The following C19orf44 variants were observed in gnomAD, a reference collection of about 807,000 sequenced individuals.
C19orf44 encodes the protein chromosome 19 open reading frame 44.
A neutral mutation model predicts 50.7 loss-of-function variants in C19orf44; 43 were observed. The observed-to-expected ratio is 0.85, with a 90% CI of 0.66 to 1.09. C19orf44 has a LOEUF of 1.09. C19orf44 is among the 50% of genes least tolerant of loss of function. C19orf44 has a pLI of 0.00. For synonymous variants in C19orf44, 298 were observed against 334.7 expected (o/e 0.89, Z 1.20); for missense variants, 722 against 836.2 (o/e 0.86, Z 1.68).
intron 6 of C19orf44, among the ~76,000 whole-genome samples, chr19:16,513,637 G>T (rs986521856): frequency 4.6e-5 from 7 of 152,158 alleles, no homozygotes; most frequent in African/African-American, 1.7e-4. Context: ...GCCCACCTCG[G>T]TCTCCCAAAG....
At chr19:16,509,123 A>C (rs945626579) in intron 4 of C19orf44, among the ~76,000 whole-genome samples, 5 of 149,940 alleles carry the variant, frequency 3.3e-5, no homozygotes, top group East Asian at 2.0e-4. Flanking sequence ...CCCGGCTGAA[A>C]ATTTTTTAAT....
At chr19:16,512,593 G>A (rs1011607549) in intron 5 of C19orf44, among the ~76,000 whole-genome samples, 1 of 152,058 alleles carries the variant, frequency 6.6e-6, no homozygotes, top group Non-Finnish European at 1.5e-5. Flanking sequence ...AGTAAAGAAG[G>A]GCCGGGTGCG....
Position 16,514,521 on chromosome 19 carries a change from T to C in C19orf44, c.1760T>C (p.Val587Ala). 6.2e-7 allele frequency: 1 copy of C among 1,611,292 alleles called. No individual in the cohort carries two copies. The highest frequency in any genetic ancestry group is 8.5e-7 in the Non-Finnish European group (1 of 1,179,432). The stretch of plus-strand genomic sequence containing the variant: ...GCCCTGACCGCTTACAGCCCGGCCG[T>C]GCTGGCACTCCATGATGTGCTGAAG... ...IEALTAYSPA[V>A]LALHDVLKQQ... The change falls in exon 7 of 9, where the codon GTG becomes GCG. Residue 587 changes from valine to alanine, a missense_variant. Val to Ala is a moderately conservative substitution (Grantham distance 64). Coordinates refer to ENST00000221671, the MANE Select transcript of C19orf44 (RefSeq NM_032207.4).
intron 2 of C19orf44, among the ~76,000 whole-genome samples, chr19:16,501,856 G>T (rs904067260): frequency 1.1e-4 from 16 of 151,368 alleles, no homozygotes; most frequent in Non-Finnish European, 1.5e-4. Context: ...CTCCCAAAGT[G>T]CTGGGATTAC....
chr19:16,498,243 A>G (rs2093415431), intron 1 of C19orf44, among the ~76,000 whole-genome samples: 2 of 152,204 alleles, frequency 1.3e-5, no homozygotes, highest in South Asian at 4.1e-4. Flanking sequence ...ATTGAGGACT[A>G]CATAATTTTA....
intron 4 of C19orf44, 42 bp downstream of exon 4, chr19:16,506,816 G>A: frequency 6.9e-7 from 1 of 1,442,074 alleles, no homozygotes; most frequent in African/African-American, 1.4e-5. Flanking sequence ...ATTGTTTTTG[G>A]CTTCAACATT....
chr19:16,519,490 G>T lies in C19orf44; in HGVS notation c.*41-604G>T. 3 of 1,254,944 alleles carry T rather than the reference G, an allele frequency of 2.4e-6. No homozygotes were observed. Among genetic ancestry groups the T allele is most frequent in the Non-Finnish European group, 3.4e-6 (3 of 875,276 alleles). The allele number at this position is 1,254,944 out of a possible 1,614,324, so 77.7% of individuals were successfully genotyped here. ...CCCGCAGGCCGGCCCTGTCTAGAGG[G>T]TCTGGGTGGAGTCAGAACCGGCCTG... On this transcript the variant is annotated intron_variant, in intron 8 of 8. Transcript: ENST00000221671. The surrounding 1 kb of genome is among the most constrained non-coding windows in gnomAD (Gnocchi z 6.0).
chr19:16,501,086 C>T lies in C19orf44; in HGVS notation c.294C>T (p.Ala98=). 6.2e-7 allele frequency: 1 copy of T among 1,614,090 alleles called. No homozygotes were observed. Among genetic ancestry groups the T allele is most frequent in the Non-Finnish European group, 8.5e-7 (1 of 1,180,044 alleles). The change falls in exon 2 of 9, where the codon GCC becomes GCT. Residue 98 remains alanine, a synonymous_variant. Coordinates refer to ENST00000221671, the MANE Select transcript of C19orf44 (RefSeq NM_032207.4). ...CCAATGCCGCACTCATGAAGCTGGC[C>T]CAGCTGGAAACCCGGATCATGAATC... ...IRANAALMKL[A]QLETRIMNRK...
Position 16,501,556 on chromosome 19 carries a change from G to A in C19orf44, c.759+5G>A, listed in dbSNP as rs1568492403. The A allele has an allele frequency of 7.5e-7, 1 of 1,339,498 alleles. No homozygotes were observed. The highest frequency in any genetic ancestry group is 9.6e-7 in the Non-Finnish European group (1 of 1,045,160). 83.0% of individuals were successfully genotyped at this position (1,339,498 alleles called of 1,614,324 possible). A position where few individuals can be genotyped will look rare whatever the true frequency, so the allele number is the denominator to read the frequency against. ...GAAGAAAGAAAACTATTTTCGGTGA[G>A]ATTTTTTTTTTTTGGTAAATTTATT... On this transcript the variant is annotated splice_donor_5th_base_variant and intron_variant, in intron 2 of 8. Coordinates refer to ENST00000221671, the MANE Select transcript of C19orf44 (RefSeq NM_032207.4).
chr19:16,515,072 T>C (rs1288803465), intron 7 of C19orf44, among the ~76,000 whole-genome samples: 1 of 152,306 alleles, frequency 6.6e-6, no homozygotes, highest in African/African-American at 2.4e-5. Flanking sequence ...CCTCTAAGAA[T>C]TTTTATCTGA....
intron 1 of C19orf44, among the ~76,000 whole-genome samples, chr19:16,497,758 T>G (rs765951554): frequency 2.3e-4 from 35 of 152,212 alleles, no homozygotes; most frequent in Non-Finnish European, 4.9e-4. Flanking sequence ...GACCATAGTT[T>G]GTAATCCATT....
Position 16,519,408 on chromosome 19 carries a change from C to T in C19orf44, c.*41-686C>T, listed in dbSNP as rs368721005. 3.9e-4 allele frequency: 607 copies of T among 1,543,822 alleles called. 2 individuals are homozygous for T. Among genetic ancestry groups the T allele is most frequent in the Admixed American group, 3.3e-4 (18 of 55,320 alleles). On this transcript the variant is annotated intron_variant, in intron 8 of 8. Coordinates refer to ENST00000221671, the MANE Select transcript of C19orf44 (RefSeq NM_032207.4). This position sits in a 1 kb window ranked among gnomAD's most constrained non-coding sequence, Gnocchi z 6.0. ...CAAGGCGGAGGCAGATGGGGGTGCACGTGGGGGGCTGAATGTCCAGACAGG... is the reference window on the plus strand; with the variant it reads ...CAAGGCGGAGGCAGATGGGGGTGCATGTGGGGGGCTGAATGTCCAGACAGG...
chr19:16,516,887 G>A (rs1005564526), intron 7 of C19orf44, among the ~76,000 whole-genome samples: 1 of 152,194 alleles, frequency 6.6e-6, no homozygotes, highest in Non-Finnish European at 1.5e-5. Context: ...CAGCCCATCC[G>A]ATGCAGGCAG....
chr19:16,513,384 T>G (rs573153182), intron 6 of C19orf44, among the ~76,000 whole-genome samples: 1 of 152,208 alleles, frequency 6.6e-6, no homozygotes, highest in East Asian at 1.9e-4. Flanking sequence ...ACAAGGCCAC[T>G]TTTTTTGTTT....
rs766987060 is a variant in C19orf44, at chr19:16,509,986, A to AG, written c.1639+1dup. On this transcript the variant is annotated frameshift_variant and splice_region_variant, in exon 5 of 9. Coordinates refer to ENST00000221671, the MANE Select transcript of C19orf44 (RefSeq NM_032207.4). LOFTEE classifies it high-confidence loss of function. Reference sequence around the variant, plus strand: ...CCTGCCTTCACCTACGAGTGGACCAAGGGTAAGCCTTGGGGCCCGTGGGGG... The same window carrying AG: ...CCTGCCTTCACCTACGAGTGGACCAAGGGGTAAGCCTTGGGGCCCGTGGGGG... 5 of 1,614,210 alleles carry AG rather than the reference A, an allele frequency of 3.1e-6. No individual in the cohort carries two copies. The South Asian group carries it at 5.5e-5, about 18-fold the overall frequency.
At chr19:16,517,923 A>T (rs1475047889) in intron 8 of C19orf44, 1 of 152,308 alleles carries the variant, frequency 6.6e-6, no homozygotes, top group Non-Finnish European at 1.5e-5. Flanking sequence ...TTTGAAGGCA[A>T]AACAATGAAA....
At chr19:16,507,217 T>C (rs1299168167) in intron 4 of C19orf44, among the ~76,000 whole-genome samples, 1 of 152,138 alleles carries the variant, frequency 6.6e-6, no homozygotes, top group East Asian at 1.9e-4. Context: ...AAGAGTGCAG[T>C]AGGTGAGAGA....
chr19:16,501,113 G>A lies in C19orf44; in HGVS notation c.321G>A (p.Arg107=), dbSNP rs1437363654. Reference sequence around the variant, plus strand: ...AGCTGGAAACCCGGATCATGAATCGGAAGCTGCAGAGGAATTTGTCTGACA... The same window carrying A: ...AGCTGGAAACCCGGATCATGAATCGAAAGCTGCAGAGGAATTTGTCTGACA... ...LAQLETRIMN[R]KLQRNLSDTE... is the part of the protein sequence containing the mutation. The change falls in exon 2 of 9, where the codon CGG becomes CGA. Residue 107 remains arginine (R), a synonymous_variant. Coordinates refer to ENST00000221671, the MANE Select transcript of C19orf44 (RefSeq NM_032207.4). 1.2e-6 allele frequency: 2 copies of A among 1,614,124 alleles called. No individual in the cohort carries two copies. Among genetic ancestry groups the A allele is most frequent in the South Asian group, 1.1e-5 (1 of 91,084 alleles).
rs557685473 is a variant in C19orf44, at chr19:16,505,214, TTCTG to T, written c.1076-1481_1076-1478del. Among the ~76,000 whole-genome samples, 14 of 150,490 alleles carry T rather than the reference TTCTG, an allele frequency of 9.3e-5. No individual in the cohort carries two copies. The East Asian group carries it at 2.1e-3, about 23-fold the overall frequency. On this transcript the variant is annotated intron_variant, in intron 3 of 8. Coordinates refer to ENST00000221671, the MANE Select transcript of C19orf44 (RefSeq NM_032207.4). ...ATGAGCCACTGTGCCCGGCCCTGTC[TTCTG>T]TCTGTTTTTTTTTTGACAGAGTTTT...
Sources: allele counts gnomAD v4.1 joint callset (sites outside exome capture counted in the v4.1 genomes callset), GRCh38; gene constraint gnomAD v4.1.1; non-coding constraint Gnocchi (gnomAD v3.1); transcripts MANE v1.5; gene names NCBI Gene and HGNC (gene_info 2026-07-23, HGNC 2026-07-21).